The following ROBO1 variants were observed in gnomAD, a reference collection of about 807,000 sequenced individuals.
ROBO1 encodes the protein roundabout guidance receptor 1.
Under a neutral mutation model 195.9 loss-of-function variants are expected in ROBO1, and 149 were observed. That is an observed-to-expected ratio of 0.76 (90% CI 0.67 to 0.87). The LOEUF (loss-of-function observed/expected upper bound fraction) is 0.87. Among genes scored for constraint, ROBO1 ranks in the 40% least tolerant of loss-of-function variants. The pLI is 0.00. For synonymous variants in ROBO1, 816 were observed against 733.2 expected, an observed-to-expected ratio of 1.11 and a Z score of -1.82; for missense variants, 1,933 against 2,068.3, an observed-to-expected ratio of 0.93 and a Z score of 1.27.
chr3:78,753,599 G>A (rs1236607367), intron 4 of ROBO1, among the ~76,000 whole-genome samples: 3 of 152,090 alleles, frequency 2.0e-5, no homozygotes. Flanking sequence ...ATGTGCCATG[G>A]TGGTTGGCTG....
chr3:78,713,423 C>T (rs566709907), intron 8 of ROBO1, among the ~76,000 whole-genome samples: 107 of 152,168 alleles, frequency 7.0e-4, no homozygotes, highest in South Asian at 5.2e-3. Context: ...TAATGTTAGA[C>T]CCCAAAACAA....
chr3:79,136,178 G>A (rs2080404823), intron 2 of ROBO1, among the ~76,000 whole-genome samples: 1 of 152,134 alleles, frequency 6.6e-6, no homozygotes, highest in Admixed American at 6.5e-5. Flanking sequence ...GTATTATATT[G>A]TGGAAATGTA....
chr3:79,579,443 A>G (rs1943591457), intron 2 of ROBO1, among the ~76,000 whole-genome samples: 1 of 152,212 alleles, frequency 6.6e-6, no homozygotes, highest in Non-Finnish European at 1.5e-5. Flanking sequence ...ATTTCCTGAG[A>G]AATTTCAAAA....
intron 3 of ROBO1, among the ~76,000 whole-genome samples, chr3:78,941,308 C>T (rs2040124986): frequency 1.3e-5 from 2 of 152,042 alleles, no homozygotes; most frequent in Non-Finnish European, 2.9e-5. Context: ...TACTTGGAAA[C>T]TTATACTCTC....
chr3:79,234,987 T>G (rs2108862203), intron 2 of ROBO1, among the ~76,000 whole-genome samples: 1 of 152,168 alleles, frequency 6.6e-6, no homozygotes, highest in African/African-American at 2.4e-5. Flanking sequence ...AATTTGAAAT[T>G]ATTGGAAAAA....
At chr3:79,728,135 TCC>T (rs10601245) in intron 1 of ROBO1, among the ~76,000 whole-genome samples, 78,254 of 151,474 alleles carry the variant, frequency 0.52, 20,402 homozygotes, top group African/African-American at 0.55. Flanking sequence ...TTTAGATATA[TCC>T]CCCCCCCCAC....
intron 2 of ROBO1, among the ~76,000 whole-genome samples, chr3:79,519,628 C>CAAAAAAAAAAA (rs71631657): frequency 6.2e-5 from 4 of 64,708 alleles, no homozygotes; most frequent in Non-Finnish European, 8.6e-5. Context: ...GACTCCTGCT[C>CAAAAAAAAAAA]AAAAAAAAAA....
chr3:79,331,665 G>A (rs1427940476), intron 2 of ROBO1, among the ~76,000 whole-genome samples: 2 of 151,620 alleles, frequency 1.3e-5, no homozygotes, highest in South Asian at 4.2e-4. Context: ...CAGAAAAAAA[G>A]TGTGTCAAAT....
At chr3:78,719,018 A>C (rs1443256263) in intron 5 of ROBO1, among the ~76,000 whole-genome samples, 1 of 152,334 alleles carries the variant, frequency 6.6e-6, no homozygotes, top group East Asian at 1.9e-4. Context: ...GCTTTATTTT[A>C]ATCCAGGCAT....
intron 4 of ROBO1, among the ~76,000 whole-genome samples, chr3:78,824,248 A>C (rs2031350818): frequency 6.6e-6 from 1 of 152,194 alleles, no homozygotes; most frequent in South Asian, 2.1e-4. Context: ...ATATTAGGTT[A>C]GTGCAGAAGT....
At chr3:79,150,234 A>G (rs2080739870) in intron 2 of ROBO1, among the ~76,000 whole-genome samples, 1 of 151,492 alleles carries the variant, frequency 6.6e-6, no homozygotes, top group African/African-American at 2.4e-5. Flanking sequence ...AGATCTACAA[A>G]GAGTTGTTGA....
intron 2 of ROBO1, among the ~76,000 whole-genome samples, chr3:79,558,291 C>A (rs186618706): frequency 6.6e-6 from 1 of 152,068 alleles, no homozygotes; most frequent in African/African-American, 2.4e-5. Flanking sequence ...GTCTACTCAA[C>A]GTAAAGACGA....
At chr3:79,243,760 T>A (rs1576866448) in intron 2 of ROBO1, among the ~76,000 whole-genome samples, 2 of 152,236 alleles carry the variant, frequency 1.3e-5, no homozygotes, top group East Asian at 3.9e-4. Flanking sequence ...ATTGCAAAAA[T>A]TTTCTCCCAT....
At chr3:78,729,472 T>C (rs537192114) in intron 5 of ROBO1, among the ~76,000 whole-genome samples, 1 of 152,318 alleles carries the variant, frequency 6.6e-6, no homozygotes, top group East Asian at 1.9e-4. Flanking sequence ...AAAGACAATA[T>C]GAAGCCTTGG....
chr3:78,653,015 T>C (rs1229334567), intron 18 of ROBO1, among the ~76,000 whole-genome samples: 1 of 152,204 alleles, frequency 6.6e-6, no homozygotes, highest in Non-Finnish European at 1.5e-5. Context: ...CCACCACATC[T>C]GGTGAAACAA....
chr3:79,632,682 T>G (rs1437612421), intron 1 of ROBO1, among the ~76,000 whole-genome samples: 1 of 152,158 alleles, frequency 6.6e-6, no homozygotes, highest in Non-Finnish European at 1.5e-5. Context: ...ACTGTACATA[T>G]TGTGGAAGAA....
chr3:79,117,577 A>G (rs1286791786), intron 3 of ROBO1, among the ~76,000 whole-genome samples: 1 of 152,092 alleles, frequency 6.6e-6, no homozygotes, highest in African/African-American at 2.4e-5. Context: ...TTTGCCTGGG[A>G]ACACTTAAGT....
Position 78,608,404 on chromosome 3 carries a change from C to A in ROBO1, c.4436-1363G>T, listed in dbSNP as rs943591723. 1.4e-4 allele frequency among the ~76,000 whole-genome samples: 22 copies of A among 152,126 alleles called. 1 individual carries two copies. Among genetic ancestry groups the A allele is most frequent in the East Asian group, 7.7e-4 (4 of 5,174 alleles). Reference sequence around the variant, plus strand: ...TATAGCTATGAGCCACCACACCCAGCCTATAATTCAATTTTGTATATCATA... The same window carrying A: ...TATAGCTATGAGCCACCACACCCAGACTATAATTCAATTTTGTATATCATA... On this transcript the variant is annotated intron_variant, in intron 28 of 30. Coordinates refer to ENST00000464233, the MANE Select transcript of ROBO1 (RefSeq NM_002941.4).
chr3:79,720,199 G>C (rs1702642170), intron 1 of ROBO1, among the ~76,000 whole-genome samples: 1 of 152,104 alleles, frequency 6.6e-6, no homozygotes, highest in Admixed American at 6.6e-5. Context: ...AAATGATAAG[G>C]CTATGTCATA....
Sources: gnomAD v4.1 joint callset for allele counts (sites outside exome capture counted in the v4.1 genomes callset) on GRCh38, gnomAD v4.1.1 for gene constraint, MANE v1.5 for transcripts, NCBI Gene and HGNC (gene_info 2026-07-23, HGNC 2026-07-21) for gene names.